The following OPA1 variants were observed in gnomAD, a reference collection of about 807,000 sequenced individuals.
The protein encoded by OPA1 is dynamin-like GTPase OPA1, mitochondrial.
In OPA1, 59 loss-of-function variants were observed where a neutral mutation model predicts 152.9. The ratio of observed to expected loss-of-function variants is 0.39; its 90% CI spans 0.31 to 0.48. The LOEUF (loss-of-function observed/expected upper bound fraction) is 0.48, where lower values mean the gene tolerates loss of function less well. Ranked by LOEUF, OPA1 falls within the 20% of genes least tolerant of loss-of-function variation. The pLI is 0.96. For synonymous variants in OPA1, 400 were observed against 389.9 expected, an observed-to-expected ratio of 1.03 and a Z score of -0.31; for missense variants, 1,008 against 1,216.8, an observed-to-expected ratio of 0.83 and a Z score of 2.55.
In OPA1 at chr3:193,615,660, T is replaced by G. The variant is rs1229395886; in HGVS notation, c.352-14T>G. On this transcript the variant is annotated splice_polypyrimidine_tract_variant and intron_variant, in intron 2 of 30. Coordinates refer to ENST00000361510, the MANE Select transcript of OPA1 (RefSeq NM_130837.3). ...ATGCAGAGCATCTGATTGACACACTTTCTTGTCTTTTAGACTTTTGATCAG... is the reference window on the plus strand; with the variant it reads ...ATGCAGAGCATCTGATTGACACACTGTCTTGTCTTTTAGACTTTTGATCAG... The G allele has an allele frequency of 4.8e-6, 7 of 1,468,776 alleles. No homozygotes were observed. Among genetic ancestry groups the G allele is most frequent in the African/African-American group, 1.4e-5 (1 of 72,056 alleles). The allele number at this position is 1,468,776 out of a possible 1,614,324, so 91.0% of individuals were successfully genotyped here.
At chr3:193,660,091 G>A (rs1714885147) in intron 25 of OPA1, among the ~76,000 whole-genome samples, 2 of 152,136 alleles carry the variant, frequency 1.3e-5, no homozygotes, top group African/African-American at 2.4e-5. Flanking sequence ...CGAAGCTGCA[G>A]GGAAAATAAC....
intron 25 of OPA1, among the ~76,000 whole-genome samples, chr3:193,662,220 A>G (rs1715442862): frequency 6.6e-6 from 1 of 152,226 alleles, no homozygotes; most frequent in Non-Finnish European, 1.5e-5. Context: ...TTTGGTAAAG[A>G]GATTATGAAT....
intron 1 of OPA1, among the ~76,000 whole-genome samples, chr3:193,608,474 C>G (rs1727649115): frequency 6.6e-6 from 1 of 152,210 alleles, no homozygotes; most frequent in African/African-American, 2.4e-5. Flanking sequence ...AGTAGTCATT[C>G]AGGAGCAGGT....
Position 193,643,055 on chromosome 3 carries a change from G to A in OPA1, c.1305+6G>A, listed in dbSNP as rs1458830429. On this transcript the variant is annotated splice_donor_region_variant and intron_variant, in intron 13 of 30. Transcript: ENST00000361510. ...GCTGTACCGTTAGCCCTGAGGTAAGGGTTGCAATTCATTTCAGTGACGTTT... is the reference window on the plus strand; with the variant it reads ...GCTGTACCGTTAGCCCTGAGGTAAGAGTTGCAATTCATTTCAGTGACGTTT... 1.9e-6 allele frequency: 3 copies of A among 1,607,138 alleles called. No homozygotes were observed. The highest frequency in any genetic ancestry group is 2.6e-6 in the Non-Finnish European group (3 of 1,174,038).
intron 28 of OPA1, 73 bp from the exon 29 acceptor site, chr3:193,667,097 A>G: frequency 3.9e-6 from 3 of 765,414 alleles, no homozygotes; most frequent in Non-Finnish European, 4.7e-6. Context: ...CTCCATATAT[A>G]TAGGTTAATT....
chr3:193,689,183 C>G (rs1159119423), intron 29 of OPA1: 2 of 152,222 alleles, frequency 1.3e-5, no homozygotes, highest in African/African-American at 4.8e-5. Context: ...AGGATATCAT[C>G]TGTGTCCTCA....
rs551707645 is a variant in OPA1, at chr3:193,655,962, T to C, written c.2178+935T>C. Among the ~76,000 whole-genome samples the C allele has an allele frequency of 2.8e-4, 43 of 152,322 alleles. No individual in the cohort carries two copies. In the South Asian group the frequency reaches 4.3e-3, roughly 15 times the overall value. Reference sequence around the variant, plus strand: ...TCACCCCTTTCCTATCTTGCTCCAGTGTTAACTTCCTTATCTCTGTTCTCA... The same window carrying C: ...TCACCCCTTTCCTATCTTGCTCCAGCGTTAACTTCCTTATCTCTGTTCTCA... On this transcript the variant is annotated intron_variant, in intron 22 of 30. Transcript: ENST00000361510.
At chr3:193,680,285 C>T (rs1179126222) in intron 29 of OPA1, among the ~76,000 whole-genome samples, 3 of 152,154 alleles carry the variant, frequency 2.0e-5, no homozygotes, top group Admixed American at 6.5e-5. Flanking sequence ...TGTTATGCCT[C>T]CTTTTTAAAG....
intron 1 of OPA1, among the ~76,000 whole-genome samples, chr3:193,602,341 T>A (rs1726593033): frequency 6.6e-6 from 1 of 152,232 alleles, no homozygotes; most frequent in African/African-American, 2.4e-5. Flanking sequence ...AAGAGTGATC[T>A]TCTTCTGATG....
Position 193,638,008 on chromosome 3 carries a change from C to A in OPA1, c.1092C>A (p.Ala364=), listed in dbSNP as rs1733199476. 6.2e-7 allele frequency: 1 copy of A among 1,614,018 alleles called. No individual in the cohort carries two copies. Among genetic ancestry groups the A allele is most frequent in the South Asian group, 1.1e-5 (1 of 91,066 alleles). Residue 364 remains alanine, a synonymous_variant, in exon 11 of 31, where the codon GCC becomes GCA. Coordinates refer to ENST00000361510, the MANE Select transcript of OPA1 (RefSeq NM_130837.3). ...AGKTSVLEMI[A]QARIFPRGSG... The stretch of plus-strand genomic sequence containing the variant: ...AGACTAGTGTGTTGGAAATGATTGC[C>A]CAAGCTCGAATATTCCCAAGAGGAT...
chr3:193,603,856 A>G (rs1321682979), intron 1 of OPA1, among the ~76,000 whole-genome samples: 1 of 152,172 alleles, frequency 6.6e-6, no homozygotes, highest in African/African-American at 2.4e-5. Flanking sequence ...TAGCAACACG[A>G]GGGGCCACTA....
chr3:193,614,472 T>C (rs933473532), intron 1 of OPA1, among the ~76,000 whole-genome samples: 8 of 152,206 alleles, frequency 5.3e-5, no homozygotes, highest in African/African-American at 1.9e-4. Flanking sequence ...TTGCACCACA[T>C]TTTCCTCATC....
At chr3:193,688,808 C>T (rs867155577) in intron 29 of OPA1, among the ~76,000 whole-genome samples, 2 of 151,844 alleles carry the variant, frequency 1.3e-5, no homozygotes, top group African/African-American at 4.8e-5. Flanking sequence ...TAGTGAGACC[C>T]CCATCTTGAC....
At chr3:193,607,891 G>A (rs1000339110) in intron 1 of OPA1, among the ~76,000 whole-genome samples, 66 of 152,190 alleles carry the variant, frequency 4.3e-4, no homozygotes, top group African/African-American at 1.6e-3. Flanking sequence ...TCCTACCCAT[G>A]AGCATGGAAT....
In OPA1 at chr3:193,596,304, T is replaced by TC. The variant is rs1172662137; in HGVS notation, c.32+2896dup. Among the ~76,000 whole-genome samples the TC allele has an allele frequency of 8.6e-3, 931 of 108,582 alleles. 13 individuals are homozygous for TC. The highest frequency in any genetic ancestry group is 0.031 in the African/African-American group (863 of 27,518). The allele number at this position is 108,582 out of a possible 152,430, so 71.2% of individuals were successfully genotyped here. On this transcript the variant is annotated intron_variant, in intron 1 of 30. Coordinates refer to ENST00000361510, the MANE Select transcript of OPA1 (RefSeq NM_130837.3). ...ATATTGGCCATCGCAACTTTTCTTT[T>TC]CTTTTCCTTTCCTTTCCTTTCCTTT...
At chr3:193,630,517 A>T (rs1413619048) in intron 7 of OPA1, among the ~76,000 whole-genome samples, 1 of 152,220 alleles carries the variant, frequency 6.6e-6, no homozygotes, top group Non-Finnish European at 1.5e-5. Flanking sequence ...ATTAATGTCT[A>T]CCTCAATAAG....
At chr3:193,616,765 A>G (rs1338835239) in intron 3 of OPA1, among the ~76,000 whole-genome samples, 1 of 152,176 alleles carries the variant, frequency 6.6e-6, no homozygotes, top group African/African-American at 2.4e-5. Flanking sequence ...CCTTTGTCAG[A>G]TTTCTTAGTT....
chr3:193,675,184 G>A (rs1366463652), intron 29 of OPA1, among the ~76,000 whole-genome samples: 1 of 151,990 alleles, frequency 6.6e-6, no homozygotes, highest in African/African-American at 2.4e-5. Flanking sequence ...GAACTTTAAA[G>A]GGACTTTAAA....
chr3:193,681,024 T>C (rs1392090909), intron 29 of OPA1, among the ~76,000 whole-genome samples: 2 of 152,196 alleles, frequency 1.3e-5, no homozygotes, highest in Non-Finnish European at 2.9e-5. Context: ...ATTTTTTACA[T>C]TTAAAAAGAT....
Sources: gnomAD v4.1 joint callset for allele counts (sites outside exome capture counted in the v4.1 genomes callset) on GRCh38, gnomAD v4.1.1 for gene constraint, MANE v1.5 for transcripts, NCBI Gene and HGNC (gene_info 2026-07-23, HGNC 2026-07-21) for gene names.